Variants in CPA6 observed in about 807,000 individuals in gnomAD.
The protein encoded by CPA6 is carboxypeptidase A6, also known as carboxypeptidase B.
A neutral mutation model predicts 63.3 loss-of-function variants in CPA6; 58 were observed. That is an observed-to-expected ratio of 0.92 (90% confidence interval 0.74 to 1.14). The LOEUF is 1.14. Ranked by LOEUF, CPA6 falls within the 50% of genes most tolerant of loss-of-function variation. The probability of loss-of-function intolerance (pLI) is 0.00; values close to 1 mark genes in which losing one functional copy is unlikely to be tolerated. For missense variants in CPA6, 565 were observed against 526.6 expected (o/e 1.07, Z -0.71); for synonymous variants, 185 against 179.0 (o/e 1.03, Z -0.27).
intron 5 of CPA6, 34 bp downstream of exon 5, chr8:67,509,483 A>T (rs776968655): frequency 1.0e-6 from 1 of 979,740 alleles, no homozygotes; most frequent in Middle Eastern, 2.3e-4. Context: ...TTTGGTAAAC[A>T]TTATGTATTT....
chr8:67,470,752 A>G (rs1811039725), intron 8 of CPA6, among the ~76,000 whole-genome samples: 1 of 152,156 alleles, frequency 6.6e-6, no homozygotes, highest in Admixed American at 6.5e-5. Context: ...TAAAATAACA[A>G]TTCTTCACAT....
At chr8:67,508,668 T>C (rs1199245743) in intron 5 of CPA6, among the ~76,000 whole-genome samples, 1 of 152,050 alleles carries the variant, frequency 6.6e-6, no homozygotes, top group Non-Finnish European at 1.5e-5. Flanking sequence ...AAAGAAGTTT[T>C]AGAAGAGTTG....
chr8:67,464,858 A>G (rs1283856235), intron 8 of CPA6, among the ~76,000 whole-genome samples: 2 of 152,124 alleles, frequency 1.3e-5, no homozygotes, highest in Non-Finnish European at 2.9e-5. Context: ...ATTTTGTTCC[A>G]TTGGTTGATA....
intron 1 of CPA6, among the ~76,000 whole-genome samples, chr8:67,734,743 A>T (rs1451148760): frequency 1.3e-5 from 2 of 152,194 alleles, no homozygotes; most frequent in Non-Finnish European, 2.9e-5. Context: ...ATCCCATCAC[A>T]TCATCCCATC....
chr8:67,621,271 C>T (rs986830324), intron 2 of CPA6, among the ~76,000 whole-genome samples: 2 of 152,156 alleles, frequency 1.3e-5, no homozygotes, highest in African/African-American at 4.8e-5. Context: ...TTTGCTGTGA[C>T]CGATCATAGC....
At chr8:67,730,838 C>A (rs1817692156) in intron 1 of CPA6, among the ~76,000 whole-genome samples, 1 of 152,146 alleles carries the variant, frequency 6.6e-6, no homozygotes, top group South Asian at 2.1e-4. Context: ...ACAGAAGAAT[C>A]TTTGGAGTGA....
At chr8:67,739,419 G>A (rs530664755) in intron 1 of CPA6, among the ~76,000 whole-genome samples, 1 of 152,316 alleles carries the variant, frequency 6.6e-6, no homozygotes, top group East Asian at 1.9e-4. Context: ...GTTCCAGAAG[G>A]CACTGGAGAA....
At chr8:67,682,477 T>C (rs1587698188) in intron 1 of CPA6, among the ~76,000 whole-genome samples, 1 of 152,230 alleles carries the variant, frequency 6.6e-6, no homozygotes, top group East Asian at 1.9e-4. Context: ...TTAATGTTCT[T>C]GTCTACTTAT....
intron 2 of CPA6, among the ~76,000 whole-genome samples, chr8:67,585,453 C>G (rs1242299036): frequency 6.6e-6 from 1 of 151,966 alleles, no homozygotes; most frequent in African/African-American, 2.4e-5. Flanking sequence ...ACGGATGACT[C>G]TCATCCTTTA....
At chr8:67,496,481 A>G (rs1194253878) in intron 6 of CPA6, among the ~76,000 whole-genome samples, 3 of 144,286 alleles carry the variant, frequency 2.1e-5, no homozygotes, top group Non-Finnish European at 4.5e-5. Flanking sequence ...GTGTTTTAGT[A>G]TATTTACAGA....
chr8:67,426,891 A>C (rs1809898944), intron 10 of CPA6, among the ~76,000 whole-genome samples: 1 of 152,234 alleles, frequency 6.6e-6, no homozygotes, highest in African/African-American at 2.4e-5. Context: ...ACTGAGGCCC[A>C]GGATTAATAA....
At chr8:67,479,499 TG>T (rs5892080) in intron 8 of CPA6, among the ~76,000 whole-genome samples, 3,270 of 152,330 alleles carry the variant, frequency 0.021, 118 homozygotes, top group African/African-American at 0.073. Flanking sequence ...TTTTGTCAGT[TG>T]ATTTTCAGCA....
At chr8:67,673,806 G>A (rs867713311) in intron 1 of CPA6, among the ~76,000 whole-genome samples, 6 of 152,082 alleles carry the variant, frequency 3.9e-5, no homozygotes, top group African/African-American at 9.7e-5. Flanking sequence ...CCTGCTGTGC[G>A]CCAGACACTA....
At chr8:67,730,947 C>T (rs1434856313) in intron 1 of CPA6, among the ~76,000 whole-genome samples, 9 of 152,152 alleles carry the variant, frequency 5.9e-5, no homozygotes, top group East Asian at 5.8e-4. Flanking sequence ...TAAGTAGTCA[C>T]CATAAAAATT....
intron 2 of CPA6, among the ~76,000 whole-genome samples, chr8:67,610,994 A>G (rs1383327505): frequency 6.6e-6 from 1 of 152,098 alleles, no homozygotes; most frequent in Non-Finnish European, 1.5e-5. Context: ...GTAGTATATA[A>G]TTGTTATTAT....
intron 2 of CPA6, among the ~76,000 whole-genome samples, chr8:67,577,545 C>T (rs1448212218): frequency 6.6e-6 from 1 of 151,872 alleles, no homozygotes; most frequent in Non-Finnish European, 1.5e-5. Flanking sequence ...AGAAAGATGG[C>T]TAATTTTTTG....
At chr8:67,501,779 TCG>T (rs749390425) in intron 6 of CPA6, among the ~76,000 whole-genome samples, 4 of 152,238 alleles carry the variant, frequency 2.6e-5, no homozygotes, top group Non-Finnish European at 5.9e-5. Context: ...TGTTCCAACC[TCG>T]TCTATTTTCT....
At chr8:67,557,848 C>T (rs1425505357) in intron 2 of CPA6, among the ~76,000 whole-genome samples, 1 of 152,110 alleles carries the variant, frequency 6.6e-6, no homozygotes, top group African/African-American at 2.4e-5. Context: ...GTTACTGAGC[C>T]TTGGGGTACA....
chr8:67,684,127 A>T (rs11988543), intron 1 of CPA6, among the ~76,000 whole-genome samples: 69,865 of 148,846 alleles, frequency 0.47, 19,474 homozygotes, highest in African/African-American at 0.79. Flanking sequence ...CCTCAAGTGA[A>T]ACTCCTGCCT....
Sources: gnomAD v4.1 joint callset for allele counts (sites outside exome capture counted in the v4.1 genomes callset) on GRCh38, gnomAD v4.1.1 for gene constraint, MANE v1.5 for transcripts, NCBI Gene and HGNC (gene_info 2026-07-23, HGNC 2026-07-21) for gene names.